The following RBFOX1 variants were observed in gnomAD, a reference collection of about 807,000 sequenced individuals.
The protein encoded by RBFOX1 is RNA binding fox-1 homolog 1.
In RBFOX1, 8 loss-of-function variants were observed where a neutral mutation model predicts 57.7. The observed-to-expected ratio is 0.14, with a 90% CI of 0.08 to 0.25. The LOEUF (loss-of-function observed/expected upper bound fraction) is 0.25, where lower values mean the gene tolerates loss of function less well. Among genes scored for constraint, RBFOX1 ranks in the 10% least tolerant of loss-of-function variants. The pLI is 1.00. For synonymous variants in RBFOX1, 326 were observed against 222.4 expected, an observed-to-expected ratio of 1.47 and a Z score of -4.15; for missense variants, 611 against 548.5, an observed-to-expected ratio of 1.11 and a Z score of -1.14.
intron 4 of RBFOX1, among the ~76,000 whole-genome samples, chr16:7,429,819 C>G (rs1001644749): frequency 6.6e-6 from 1 of 152,178 alleles, no homozygotes; most frequent in Non-Finnish European, 1.5e-5. Context: ...CTCTGCCTTT[C>G]CATTCTTCAT....
chr16:6,701,058 A>T (rs1199585678), intron 3 of RBFOX1, among the ~76,000 whole-genome samples: 1 of 152,040 alleles, frequency 6.6e-6, no homozygotes, highest in Non-Finnish European at 1.5e-5. Context: ...TCAGACTATG[A>T]TGTGAGCCTG....
At chr16:6,592,854 G>GT (rs1360060106) in intron 2 of RBFOX1, among the ~76,000 whole-genome samples, 8 of 152,218 alleles carry the variant, frequency 5.3e-5, no homozygotes, top group East Asian at 1.9e-4. Context: ...CTGATTAGCT[G>GT]TTTTTTTCTC....
intron 4 of RBFOX1, among the ~76,000 whole-genome samples, chr16:7,492,177 A>G (rs1447237326): frequency 1.3e-5 from 2 of 152,222 alleles, no homozygotes; most frequent in African/African-American, 2.4e-5. Context: ...GGAATTCCCA[A>G]CATAACCTAA....
Position 5,510,729 on chromosome 16 carries a change from G to T in RBFOX1, c.258+43475G>T, listed in dbSNP as rs543867833. On this transcript the variant is annotated intron_variant, in intron 2 of 2. Coordinates refer to the RBFOX1 transcript ENST00000585867. The stretch of plus-strand genomic sequence containing the variant: ...CAAGCTTGGTACCTAGTAAAACTCA[G>T]GTGTATCAGCCTCAGAACTATTGAC... 4.6e-5 allele frequency among the ~76,000 whole-genome samples: 7 copies of T among 152,268 alleles called. No individual in the cohort carries two copies. The South Asian group carries it at 1.2e-3, about 27-fold the overall frequency.
At chr16:6,298,848 T>C (rs1219445029) in intron 1 of RBFOX1, among the ~76,000 whole-genome samples, 1 of 152,228 alleles carries the variant, frequency 6.6e-6, no homozygotes, top group Non-Finnish European at 1.5e-5. Context: ...TGGATGTTCA[T>C]GGAAAATTTG....
intron 1 of RBFOX1, among the ~76,000 whole-genome samples, chr16:6,296,209 A>C (rs2078083347): frequency 6.6e-6 from 1 of 152,152 alleles, no homozygotes; most frequent in South Asian, 2.1e-4. Flanking sequence ...TCCATTCCCC[A>C]GACACTGCTT....
At chr16:7,693,902 C>T (rs945716234) in intron 14 of RBFOX1, among the ~76,000 whole-genome samples, 11 of 152,150 alleles carry the variant, frequency 7.2e-5, no homozygotes, top group African/African-American at 1.9e-4. Context: ...TATTTCCTTT[C>T]TTATAAAACA....
In RBFOX1 at chr16:6,345,863, T is replaced by G. The variant is rs184772616; in HGVS notation, c.-64+28806T>G. Among the ~76,000 whole-genome samples, 379 of 152,230 alleles carry G rather than the reference T, an allele frequency of 2.5e-3. 2 individuals carry two copies. Among genetic ancestry groups the G allele is most frequent in the Non-Finnish European group, 3.8e-3 (256 of 68,014 alleles). On this transcript the variant is annotated intron_variant, in intron 2 of 15. Transcript: ENST00000550418. Reference sequence around the variant, plus strand: ...GGGGCACAGCTTGGTTTTCTACATTTTAGGGAAACATAAGACATCAATCAA... The same window carrying G: ...GGGGCACAGCTTGGTTTTCTACATTGTAGGGAAACATAAGACATCAATCAA...
intron 3 of RBFOX1, among the ~76,000 whole-genome samples, chr16:7,042,394 T>TA (rs2046457861): frequency 6.6e-6 from 1 of 152,162 alleles, no homozygotes; most frequent in Non-Finnish European, 1.5e-5. Flanking sequence ...CAGATGGTAA[T>TA]TCCCTCTTGA....
At chr16:6,615,951 T>A (rs1468331675) in intron 2 of RBFOX1, among the ~76,000 whole-genome samples, 1 of 152,170 alleles carries the variant, frequency 6.6e-6, no homozygotes, top group Non-Finnish European at 1.5e-5. Context: ...TGAACAGTGG[T>A]ACCGGTCCCT....
In RBFOX1 at chr16:7,139,176, C is replaced by CTCTCTCTCTCTGTG. The variant is rs372381673; in HGVS notation, c.27+87079_27+87080insCTCTCTCTCTGTGT. On this transcript the variant is annotated intron_variant, in intron 4 of 15. Transcript: ENST00000550418. ...TAATGCAGATGAAATCAATCTCTCTCTGTGTGTGTGTGTGTGTGTGTATGT... is the reference window on the plus strand; with the variant it reads ...TAATGCAGATGAAATCAATCTCTCTCTCTCTCTCTCTGTGTGTGTGTGTGTGTGTGTGTGTATGT... Among the ~76,000 whole-genome samples the CTCTCTCTCTCTGTG allele has an allele frequency of 3.2e-3, 467 of 145,900 alleles. 7 individuals are homozygous for CTCTCTCTCTCTGTG. The highest frequency in any genetic ancestry group is 4.1e-3 in the East Asian group (20 of 4,938).
intron 1 of RBFOX1, among the ~76,000 whole-genome samples, chr16:5,326,667 A>T (rs1404570875): frequency 3.3e-5 from 5 of 152,234 alleles, no homozygotes; most frequent in Non-Finnish European, 7.3e-5. Flanking sequence ...TTTATTTAGC[A>T]GAGGTTATCC....
chr16:6,906,323 A>C (rs892834414), intron 3 of RBFOX1, among the ~76,000 whole-genome samples: 1 of 151,924 alleles, frequency 6.6e-6, no homozygotes, highest in Non-Finnish European at 1.5e-5. Context: ...AATTGTATTC[A>C]ATTGTGTCTC....
chr16:6,763,890 G>T (rs901430411), intron 3 of RBFOX1, among the ~76,000 whole-genome samples: 3 of 152,184 alleles, frequency 2.0e-5, no homozygotes, highest in African/African-American at 7.2e-5. Flanking sequence ...GCTTGCTTAT[G>T]TTCAGGAACC....
At chr16:5,813,911 A>G (rs2055526578) in intron 3 of RBFOX1, among the ~76,000 whole-genome samples, 2 of 152,346 alleles carry the variant, frequency 1.3e-5, no homozygotes, top group South Asian at 4.1e-4. Flanking sequence ...AATAGATGAA[A>G]TTTTAGGATT....
At chr16:7,025,278 T>G (rs116042009) in intron 3 of RBFOX1, among the ~76,000 whole-genome samples, 2 of 152,100 alleles carry the variant, frequency 1.3e-5, no homozygotes, top group Non-Finnish European at 2.9e-5. Context: ...GTTTGGAAAC[T>G]ATCATGGCGC....
At chr16:6,678,881 G>A (rs1452899884) in intron 3 of RBFOX1, among the ~76,000 whole-genome samples, 1 of 152,178 alleles carries the variant, frequency 6.6e-6, no homozygotes, top group Admixed American at 6.5e-5. Flanking sequence ...TTGTTTCCAA[G>A]TGTAGCATGA....
intron 4 of RBFOX1, among the ~76,000 whole-genome samples, chr16:7,413,251 T>A (rs1220326663): frequency 6.6e-6 from 1 of 152,114 alleles, no homozygotes; most frequent in East Asian, 1.9e-4. Context: ...GTAACCTCTT[T>A]GTGCCTCAAC....
At chr16:6,048,373 A>C (rs2095516844) in intron 1 of RBFOX1, among the ~76,000 whole-genome samples, 2 of 152,194 alleles carry the variant, frequency 1.3e-5, no homozygotes, top group South Asian at 4.1e-4. Flanking sequence ...TTTTTACTTC[A>C]AGAATCTCTC....
Sources: gnomAD v4.1 joint callset for allele counts (sites outside exome capture counted in the v4.1 genomes callset) on GRCh38, gnomAD v4.1.1 for gene constraint, MANE v1.5 for transcripts, NCBI Gene and HGNC (gene_info 2026-07-23, HGNC 2026-07-21) for gene names.